FGF12: variants seen among roughly 807,000 people sequenced by gnomAD.
FGF12 encodes fibroblast growth factor 12.
FGF12 carries 14 observed loss-of-function variants against 23.6 expected under a neutral mutation model. The observed-to-expected ratio is 0.59, with a 90% CI of 0.39 to 0.93. The LOEUF (loss-of-function observed/expected upper bound fraction) is 0.93, where lower values mean the gene tolerates loss of function less well. Among genes scored for constraint, FGF12 ranks in the 40% least tolerant of loss-of-function variants. The pLI is 0.00. For synonymous variants in FGF12, 62 were observed against 77.3 expected, an observed-to-expected ratio of 0.80 and a Z score of 1.04; for missense variants, 175 against 217.8, an observed-to-expected ratio of 0.80 and a Z score of 1.24.
intron 4 of FGF12, 55 bp downstream of exon 4, chr3:192,335,306 C>T: frequency 8.7e-7 from 1 of 1,148,718 alleles, no homozygotes; most frequent in Admixed American, 1.8e-5. Context: ...TACTCCATTA[C>T]CTCTCAGTGG....
intron 2 of FGF12, among the ~76,000 whole-genome samples, chr3:192,448,871 C>A (rs1174283808): frequency 2.0e-5 from 3 of 152,104 alleles, no homozygotes; most frequent in African/African-American, 7.2e-5. Flanking sequence ...CAATATTTCC[C>A]AAATATAATC....
chr3:192,272,126 T>A (rs1290702064), intron 4 of FGF12, among the ~76,000 whole-genome samples: 1 of 152,180 alleles, frequency 6.6e-6, no homozygotes, highest in Non-Finnish European at 1.5e-5. Context: ...ATTAAAAAAT[T>A]AATGGCCCGA....
At chr3:192,272,331 G>T (rs1713500202) in intron 4 of FGF12, among the ~76,000 whole-genome samples, 1 of 152,118 alleles carries the variant, frequency 6.6e-6, no homozygotes, top group South Asian at 2.1e-4. Flanking sequence ...CAAGGAAAGG[G>T]GACGGGGAGG....
At chr3:192,447,844 G>T (rs1722405064) in intron 2 of FGF12, among the ~76,000 whole-genome samples, 1 of 152,138 alleles carries the variant, frequency 6.6e-6, no homozygotes, top group Non-Finnish European at 1.5e-5. Flanking sequence ...CTACCACGCA[G>T]ATCAAGTATT....
intron 2 of FGF12, among the ~76,000 whole-genome samples, chr3:192,578,024 C>CG (rs1028240958): frequency 2.0e-5 from 3 of 152,072 alleles, no homozygotes; most frequent in African/African-American, 7.2e-5. Flanking sequence ...TTATGGTTGG[C>CG]GGGGGGCAGG....
chr3:192,389,288 A>G (rs974577476), intron 2 of FGF12, among the ~76,000 whole-genome samples: 1 of 152,248 alleles, frequency 6.6e-6, no homozygotes, highest in East Asian at 1.9e-4. Context: ...CGAACCTAGG[A>G]GTTGGAGGTT....
intron 2 of FGF12, among the ~76,000 whole-genome samples, chr3:192,599,112 G>T (rs1238439953): frequency 6.6e-6 from 1 of 152,008 alleles, no homozygotes; most frequent in Non-Finnish European, 1.5e-5. Context: ...AGCCTGTAGG[G>T]GGTGGGGGAC....
intron 2 of FGF12, among the ~76,000 whole-genome samples, chr3:192,485,111 T>A (rs931796258): frequency 7.9e-5 from 12 of 151,674 alleles, no homozygotes; most frequent in African/African-American, 2.7e-4. Context: ...CACATAAACA[T>A]CCATCTATCT....
At chr3:192,162,956 A>C (rs2108607078) in intron 5 of FGF12, among the ~76,000 whole-genome samples, 1 of 152,272 alleles carries the variant, frequency 6.6e-6, no homozygotes. Flanking sequence ...AGACAAAATG[A>C]AAAAGGCATT....
At chr3:192,599,269 A>AATAATAATAATAATAATAATT (rs3043818) in intron 2 of FGF12, among the ~76,000 whole-genome samples, 7,216 of 148,038 alleles carry the variant, frequency 0.049, 567 homozygotes, top group African/African-American at 0.17. Flanking sequence ...TAATAATAAT[A>AATAATAATAATAATAATAATT]ATAATAATAA....
chr3:192,159,819 T>C (rs891550126), intron 5 of FGF12, among the ~76,000 whole-genome samples: 25 of 152,274 alleles, frequency 1.6e-4, no homozygotes, highest in South Asian at 6.2e-4. Flanking sequence ...TATCCTCCAA[T>C]GCACAGGGAA....
At chr3:192,577,376 G>A (rs565836013) in intron 2 of FGF12, among the ~76,000 whole-genome samples, 1 of 152,310 alleles carries the variant, frequency 6.6e-6, no homozygotes, top group Non-Finnish European at 1.5e-5. Context: ...AAATGGTTCT[G>A]AGAGTCATTG....
chr3:192,616,373 T>C, intron 2 of FGF12, among the ~76,000 whole-genome samples: 1 of 152,112 alleles, frequency 6.6e-6, no homozygotes, highest in East Asian at 1.9e-4. Context: ...AGTTAGTTTA[T>C]TGTTTATTTA....
chr3:192,170,245 A>G (rs1317832351), intron 5 of FGF12, among the ~76,000 whole-genome samples: 1 of 145,214 alleles, frequency 6.9e-6, no homozygotes, highest in Non-Finnish European at 1.5e-5. Context: ...GAGCCATTGC[A>G]TTCTAGTGTG....
At chr3:192,232,398 G>T (rs977919286) in intron 4 of FGF12, among the ~76,000 whole-genome samples, 1 of 152,042 alleles carries the variant, frequency 6.6e-6, no homozygotes, top group South Asian at 2.1e-4. Flanking sequence ...CTTAATAAAA[G>T]ATCAGATTCA....
intron 2 of FGF12, among the ~76,000 whole-genome samples, chr3:192,528,530 GTCTGGAGGATGGTGGCCCTCTCAGC>G (rs1192041269): frequency 6.6e-6 from 1 of 152,094 alleles, no homozygotes; most frequent in Non-Finnish European, 1.5e-5. Context: ...CCATTCTAGG[GTCTGGAGGATGGTGGCCCTCTCAGC>G]TCTACTAGAC....
At chr3:192,639,502 A>G (rs1021408989) in intron 2 of FGF12, among the ~76,000 whole-genome samples, 4 of 152,234 alleles carry the variant, frequency 2.6e-5, no homozygotes, top group Non-Finnish European at 5.9e-5. Flanking sequence ...TCTGAACTCC[A>G]CATTCATTGT....
intron 4 of FGF12, among the ~76,000 whole-genome samples, chr3:192,244,323 T>C (rs1719774257): frequency 6.6e-6 from 1 of 152,124 alleles, no homozygotes; most frequent in Non-Finnish European, 1.5e-5. Context: ...AAATCACGTA[T>C]GTCACAGTCT....
chr3:192,407,781 A>T (rs73064252), intron 2 of FGF12, among the ~76,000 whole-genome samples: 4 of 152,220 alleles, frequency 2.6e-5, no homozygotes, highest in Non-Finnish European at 5.9e-5. Context: ...GAATAAGTGC[A>T]TCTATACATG....
Sources: allele counts gnomAD v4.1 joint callset (sites outside exome capture counted in the v4.1 genomes callset), GRCh38; gene constraint gnomAD v4.1.1; transcripts MANE v1.5; gene names NCBI Gene and HGNC (gene_info 2026-07-23, HGNC 2026-07-21).